The following NUP155 variants were observed in gnomAD, a reference collection of about 807,000 sequenced individuals.
NUP155 encodes the protein nuclear pore complex protein Nup155.
NUP155 carries 71 observed loss-of-function variants against 180.4 expected under a neutral mutation model. The observed-to-expected ratio is 0.39, with a 90% CI of 0.33 to 0.48. NUP155 has a LOEUF of 0.48. Ranked by LOEUF, NUP155 falls within the 20% of genes least tolerant of loss-of-function variation. NUP155 has a pLI of 0.91. For synonymous variants in NUP155, 582 were observed against 559.5 expected (o/e 1.04, Z -0.57); for missense variants, 1,553 against 1,648.9 (o/e 0.94, Z 1.01).
At chr5:37,343,517 C>CA (rs991007647) in intron 9 of NUP155, among the ~76,000 whole-genome samples, 2 of 151,732 alleles carry the variant, frequency 1.3e-5, no homozygotes, top group East Asian at 1.9e-4. Context: ...ACAAAGATCA[C>CA]AAAAAAAGAC....
Position 37,299,438 on chromosome 5 carries a change from G to A in NUP155, c.3682+10C>T. On this transcript the variant is annotated intron_variant, in intron 31 of 34. Coordinates refer to ENST00000231498, the MANE Select transcript of NUP155 (RefSeq NM_153485.3). ...AACGTATGCTAACATACCTATAACT[G>A]AACACTTACCTTTCTCTATGATATC... The A allele has an allele frequency of 1.2e-6, 2 of 1,613,922 alleles. No individual in the cohort carries two copies. Among genetic ancestry groups the A allele is most frequent in the Non-Finnish European group, 1.7e-6 (2 of 1,179,918 alleles).
intron 26 of NUP155, 24 bp downstream of exon 26, chr5:37,305,033 A>G (rs1392888444): frequency 1.2e-6 from 2 of 1,610,328 alleles, no homozygotes; most frequent in South Asian, 2.2e-5. Context: ...TATTCTCAGA[A>G]TGAAAATATA....
intron 11 of NUP155, among the ~76,000 whole-genome samples, chr5:37,340,609 A>C (rs968502347): frequency 6.6e-6 from 1 of 152,236 alleles, no homozygotes; most frequent in Admixed American, 6.5e-5. Flanking sequence ...AATTCACTTC[A>C]GACAGTAAGA....
At chr5:37,305,455 G>T (rs1269314495) in intron 25 of NUP155, among the ~76,000 whole-genome samples, 1 of 152,110 alleles carries the variant, frequency 6.6e-6, no homozygotes, top group Non-Finnish European at 1.5e-5. Context: ...ACGAAGGCAG[G>T]GGGACTGCCA....
chr5:37,365,181 C>T (rs1747474404), intron 1 of NUP155, among the ~76,000 whole-genome samples: 1 of 151,686 alleles, frequency 6.6e-6, no homozygotes, highest in Non-Finnish European at 1.5e-5. Context: ...ACTGCTTGAA[C>T]CCGGGAGGCG....
intron 11 of NUP155, among the ~76,000 whole-genome samples, chr5:37,340,336 T>C (rs1409740917): frequency 2.0e-5 from 3 of 151,826 alleles, no homozygotes; most frequent in Admixed American, 2.0e-4. Flanking sequence ...TCTCAGCTAC[T>C]CAGGAGGCTG....
intron 22 of NUP155, among the ~76,000 whole-genome samples, chr5:37,313,519 G>A (rs1328131643): frequency 6.6e-6 from 1 of 151,420 alleles, no homozygotes; most frequent in African/African-American, 2.4e-5. Flanking sequence ...GAGACAGAGA[G>A]AGACAGGGTC....
chr5:37,342,269 ACTC>A (rs1231885575), intron 10 of NUP155: 1 of 333,498 alleles, frequency 3.0e-6, no homozygotes, highest in Admixed American at 4.4e-5. Flanking sequence ...TTAGTCTTGA[ACTC>A]CTGGGCTCAG....
Position 37,337,913 on chromosome 5 carries a change from G to T in NUP155, c.1252C>A (p.Leu418Ile). The T allele has an allele frequency of 6.3e-7, 1 of 1,575,102 alleles. No individual in the cohort carries two copies. The highest frequency in any genetic ancestry group is 8.7e-7 in the Non-Finnish European group (1 of 1,146,184). Reference sequence around the variant, plus strand: ...TCATTTTCTGAGGCTGCCATCAATAGAATACCTAAAAGTTTAATATACAAA... The same window carrying T: ...TCATTTTCTGAGGCTGCCATCAATATAATACCTAAAAGTTTAATATACAAA... The part of the protein sequence containing the change: ...VHRALYSKGI[L>I]LMAASENEDN... Residue 418 changes from leucine to isoleucine, a missense_variant, in exon 12 of 35, where the codon CTA becomes ATA. Coordinates refer to ENST00000231498, the MANE Select transcript of NUP155 (RefSeq NM_153485.3).
intron 32 of NUP155, among the ~76,000 whole-genome samples, chr5:37,295,121 T>C (rs1742455290): frequency 6.6e-6 from 1 of 152,184 alleles, no homozygotes; most frequent in South Asian, 2.1e-4. Flanking sequence ...ACTGTACTGC[T>C]ATCTCGGCTC....
chr5:37,364,505 T>G, intron 1 of NUP155, 121 bp from the exon 2 acceptor site: 2 of 834,958 alleles, frequency 2.4e-6, no homozygotes, highest in East Asian at 2.6e-5. Flanking sequence ...GAGAATATTC[T>G]AGTTTTGACC....
chr5:37,301,253 G>C, intron 30 of NUP155, 184 bp downstream of exon 30: 1 of 555,592 alleles, frequency 1.8e-6, no homozygotes, highest in Non-Finnish European at 3.2e-6. Flanking sequence ...GAGTAGCTTA[G>C]CCTTTTTCTA....
At chr5:37,313,405 G>A (rs1053972884) in intron 22 of NUP155, among the ~76,000 whole-genome samples, 3 of 151,216 alleles carry the variant, frequency 2.0e-5, no homozygotes, top group Admixed American at 6.6e-5. Context: ...CAGCCTGGGC[G>A]ACAGAGTGAG....
chr5:37,300,996 G>A, intron 30 of NUP155: 1 of 184,628 alleles, frequency 5.4e-6, no homozygotes, highest in Non-Finnish European at 1.1e-5. Flanking sequence ...GCTAATTTTT[G>A]TATTTTTAGT....
chr5:37,365,861 A>G (rs1198396027), intron 1 of NUP155, among the ~76,000 whole-genome samples: 3 of 150,972 alleles, frequency 2.0e-5, no homozygotes, highest in Non-Finnish European at 4.4e-5. Context: ...GTGTTTTTCT[A>G]TCATTTTGCT....
chr5:37,303,006 T>C, intron 28 of NUP155, 98 bp from the exon 29 acceptor site: 1 of 1,319,554 alleles, frequency 7.6e-7, no homozygotes, highest in Non-Finnish European at 1.1e-6. Flanking sequence ...CAAACACACA[T>C]AAAAAGCCAT....
At chr5:37,330,603 A>T (rs1478008100) in intron 14 of NUP155, among the ~76,000 whole-genome samples, 1 of 152,156 alleles carries the variant, frequency 6.6e-6, no homozygotes, top group Non-Finnish European at 1.5e-5. Context: ...GGTGCTTTGA[A>T]TCCAGAGTCT....
At chr5:37,318,584 A>AT (rs1313928188) in intron 20 of NUP155, among the ~76,000 whole-genome samples, 3 of 152,194 alleles carry the variant, frequency 2.0e-5, no homozygotes, top group Non-Finnish European at 4.4e-5. Context: ...TCGATTTCAA[A>AT]TTTTCGGAAT....
At chr5:37,296,484 G>T (rs553625122) in intron 32 of NUP155, among the ~76,000 whole-genome samples, 1 of 149,698 alleles carries the variant, frequency 6.7e-6, no homozygotes, top group Non-Finnish European at 1.5e-5. Flanking sequence ...GGCAGCATGC[G>T]GCAGCATGCT....
Sources: allele counts gnomAD v4.1 joint callset (sites outside exome capture counted in the v4.1 genomes callset), GRCh38; gene constraint gnomAD v4.1.1; transcripts MANE v1.5; gene names NCBI Gene and HGNC (gene_info 2026-07-23, HGNC 2026-07-21).